The following KCNMA1 variants were observed in gnomAD, a reference collection of about 807,000 sequenced individuals.
KCNMA1 encodes the protein potassium calcium-activated channel subfamily M alpha 1.
A neutral mutation model predicts 140.0 loss-of-function variants in KCNMA1; 29 were observed. That is an observed-to-expected ratio of 0.21 (90% confidence interval 0.15 to 0.28). The LOEUF (loss-of-function observed/expected upper bound fraction) is 0.28, where lower values mean the gene tolerates loss of function less well. KCNMA1 is among the 10% of genes least tolerant of loss of function. The pLI is 1.00. For missense variants in KCNMA1, 880 were observed against 1,602.2 expected, an observed-to-expected ratio of 0.55 and a Z score of 7.70; for synonymous variants, 612 against 611.9, an observed-to-expected ratio of 1.00 and a Z score of 0.00.
At chr10:77,297,071 G>A (rs769679608) in intron 2 of KCNMA1, among the ~76,000 whole-genome samples, 1 of 152,114 alleles carries the variant, frequency 6.6e-6, no homozygotes, top group Non-Finnish European at 1.5e-5. Flanking sequence ...TCCAGAAGCT[G>A]AGACCACCCC....
intron 26 of KCNMA1, 109 bp downstream of exon 26, chr10:76,891,416 A>G: frequency 1.3e-6 from 1 of 797,924 alleles, no homozygotes; most frequent in Middle Eastern, 3.4e-4. Flanking sequence ...TATCTACAAT[A>G]GGAAGGAGAA....
At chr10:77,277,615 G>C (rs7088376) in intron 2 of KCNMA1, among the ~76,000 whole-genome samples, 6,730 of 152,190 alleles carry the variant, frequency 0.044, 527 homozygotes, top group African/African-American at 0.15. Context: ...TCCCCAGGGG[G>C]CTTATTCTCT....
chr10:77,204,099 A>G (rs62767061), intron 3 of KCNMA1, among the ~76,000 whole-genome samples: 2 of 121,392 alleles, frequency 1.6e-5, no homozygotes, highest in African/African-American at 6.4e-5. Flanking sequence ...CCCTCTCAGG[A>G]AAAAAAAAAA....
At chr10:77,286,766 CGGGGGGG>C (rs59896024) in intron 2 of KCNMA1, among the ~76,000 whole-genome samples, 59,967 of 137,046 alleles carry the variant, frequency 0.44, 13,645 homozygotes, top group Middle Eastern at 0.52. Flanking sequence ...TGTGTGTGTG[CGGGGGGG>C]GGGGGGGGGT....
At chr10:77,629,578 A>G (rs76785470) in intron 1 of KCNMA1, among the ~76,000 whole-genome samples, 1 of 152,174 alleles carries the variant, frequency 6.6e-6, no homozygotes, top group African/African-American at 2.4e-5. Context: ...TTACATTTGC[A>G]TGACTCAGTT....
At chr10:77,088,604 A>G (rs76533200) in intron 10 of KCNMA1, among the ~76,000 whole-genome samples, 1 of 151,408 alleles carries the variant, frequency 6.6e-6, no homozygotes, top group East Asian at 2.0e-4. Context: ...TAATCTTTCT[A>G]TTTTTGTATA....
intron 1 of KCNMA1, among the ~76,000 whole-genome samples, chr10:77,418,248 G>A (rs923638289): frequency 2.0e-5 from 3 of 152,156 alleles, no homozygotes; most frequent in African/African-American, 7.2e-5. Flanking sequence ...GATGGCAAGC[G>A]CCTGGCCCTG....
intron 5 of KCNMA1, among the ~76,000 whole-genome samples, chr10:77,150,850 A>G (rs2098404500): frequency 6.6e-6 from 1 of 152,204 alleles, no homozygotes; most frequent in African/African-American, 2.4e-5. Context: ...TAGACAAGTC[A>G]TGTTCTCTCT....
intron 1 of KCNMA1, among the ~76,000 whole-genome samples, chr10:77,475,439 G>T (rs1393078430): frequency 6.6e-6 from 1 of 152,178 alleles, no homozygotes; most frequent in African/African-American, 2.4e-5. Context: ...GGGAGAAATC[G>T]TAACTTGCAT....
intron 5 of KCNMA1, among the ~76,000 whole-genome samples, chr10:77,134,219 C>T: frequency 6.6e-6 from 1 of 152,100 alleles, no homozygotes; most frequent in East Asian, 1.9e-4. Context: ...AATACAGGCT[C>T]TGCCACCACC....
chr10:77,136,016 T>C (rs914146737), intron 5 of KCNMA1, among the ~76,000 whole-genome samples: 44 of 152,210 alleles, frequency 2.9e-4, no homozygotes, highest in African/African-American at 1.0e-3. Context: ...AATAGCAACA[T>C]ATTTGAGCTT....
chr10:77,516,723 G>A (rs574451194), intron 1 of KCNMA1, among the ~76,000 whole-genome samples: 2 of 152,214 alleles, frequency 1.3e-5, no homozygotes, highest in African/African-American at 4.8e-5. Flanking sequence ...CTCATCATGT[G>A]TCTGGGCTCC....
intron 18 of KCNMA1, among the ~76,000 whole-genome samples, chr10:77,008,543 T>A (rs2089814351): frequency 6.6e-6 from 1 of 152,228 alleles, no homozygotes; most frequent in Non-Finnish European, 1.5e-5. Flanking sequence ...TATCACAGGA[T>A]TTCCAGAAAT....
intron 15 of KCNMA1, among the ~76,000 whole-genome samples, chr10:77,034,642 C>T (rs145552270): frequency 3.0e-4 from 46 of 152,282 alleles, no homozygotes; most frequent in Non-Finnish European, 5.1e-4. Flanking sequence ...ACAGTAGCAT[C>T]CATACTTGCC....
intron 9 of KCNMA1, among the ~76,000 whole-genome samples, chr10:77,106,685 G>A (rs2097204659): frequency 6.6e-6 from 1 of 152,200 alleles, no homozygotes; most frequent in African/African-American, 2.4e-5. Context: ...GAGAGCCCCA[G>A]GCCCTCAGAA....
At chr10:77,146,694 T>A (rs1438800953) in intron 5 of KCNMA1, among the ~76,000 whole-genome samples, 3 of 77,816 alleles carry the variant, frequency 3.9e-5, no homozygotes, top group Admixed American at 2.5e-4. Flanking sequence ...AGAGCAAGAC[T>A]TCATCTCAAA....
chr10:76,907,947 A>G lies in KCNMA1; in HGVS notation c.3147+2019T>C, dbSNP rs1234010750. 2.0e-5 allele frequency among the ~76,000 whole-genome samples: 3 copies of G among 152,216 alleles called. No homozygotes were observed. In the East Asian group the frequency reaches 5.8e-4, roughly 29 times the overall value. On this transcript the variant is annotated intron_variant, in intron 25 of 27. Coordinates refer to ENST00000286628, the MANE Select transcript of KCNMA1 (RefSeq NM_001161352.2). Reference sequence around the variant, plus strand: ...TAGCCAGTCCTGCTAGAAACATACTAAATATCTGATATGTAGAAACATAAA... The same window carrying G: ...TAGCCAGTCCTGCTAGAAACATACTGAATATCTGATATGTAGAAACATAAA...
chr10:77,609,245 G>A lies in KCNMA1; in HGVS notation c.378+28020C>T, dbSNP rs566758534. ...AAAGAAATTGTGGTACATGTACACA[G>A]TGGAACACTATTCAGCCTTTAAAAA... On this transcript the variant is annotated intron_variant, in intron 1 of 27. Transcript: ENST00000286628. 2.3e-4 allele frequency among the ~76,000 whole-genome samples: 35 copies of A among 152,350 alleles called. No individual in the cohort carries two copies. In the South Asian group the frequency reaches 3.9e-3, roughly 17 times the overall value.
chr10:77,201,677 G>T (rs1239102953), intron 3 of KCNMA1, among the ~76,000 whole-genome samples: 1 of 152,150 alleles, frequency 6.6e-6, no homozygotes, highest in Non-Finnish European at 1.5e-5. Flanking sequence ...AAAAATGTTG[G>T]TGCTTATTTT....
Sources: gnomAD v4.1 joint callset for allele counts (sites outside exome capture counted in the v4.1 genomes callset) on GRCh38, gnomAD v4.1.1 for gene constraint, MANE v1.5 for transcripts, NCBI Gene and HGNC (gene_info 2026-07-23, HGNC 2026-07-21) for gene names.